The following PPIL3 variants were observed in gnomAD, a reference collection of about 807,000 sequenced individuals.
The protein encoded by PPIL3 is peptidyl-prolyl cis-trans isomerase-like 3.
PPIL3 carries 13 observed loss-of-function variants against 20.9 expected under a neutral mutation model. The ratio of observed to expected loss-of-function variants is 0.62; its 90% confidence interval spans 0.40 to 0.99. PPIL3 has a LOEUF of 0.99. Among genes scored for constraint, PPIL3 ranks in the 50% least tolerant of loss-of-function variants. PPIL3 has a pLI of 0.00. For missense variants in PPIL3, 170 were observed against 195.2 expected (o/e 0.87, Z 0.77); for synonymous variants, 71 against 64.4 (o/e 1.10, Z -0.49).
At position 200,887,575 on chromosome 2, in the gene PPIL3, T is replaced by C. The variant is rs1333294162; in HGVS notation, c.3+38A>G. ...TGACTGAATTTCTAAAAATTACTTATAATGAAAGACATTAGATAAAAATTG... is the reference window on the plus strand; with the variant it reads ...TGACTGAATTTCTAAAAATTACTTACAATGAAAGACATTAGATAAAAATTG... On this transcript the variant is annotated intron_variant, in intron 2 of 6. Coordinates refer to ENST00000392283, the MANE Select transcript of PPIL3 (RefSeq NM_130906.3). 5 of 1,509,772 alleles carry C rather than the reference T, an allele frequency of 3.3e-6. No homozygotes were observed. In the Admixed American group the frequency reaches 5.4e-5, roughly 16 times the overall value. The allele number at this position is 1,509,772 out of a possible 1,614,324, so 93.5% of individuals were successfully genotyped here.
intron 3 of PPIL3, chr2:200,885,068 GAA>G (rs1161456179): frequency 1.2e-4 from 6 of 50,290 alleles, no homozygotes; most frequent in Admixed American, 2.5e-4. Context: ...TCCGTCTTGA[GAA>G]AAAAAAAAAA....
intron 2 of PPIL3, among the ~76,000 whole-genome samples, chr2:200,887,379 CAAAAAAAAAA>C (rs770510276): frequency 2.0e-5 from 1 of 50,792 alleles, no homozygotes; most frequent in South Asian, 7.6e-4. Context: ...GAGTGAAACT[CAAAAAAAAAA>C]AAAAAAAAAA....
At chr2:200,877,895 TG>T (rs1222787768) in intron 5 of PPIL3, among the ~76,000 whole-genome samples, 1 of 152,192 alleles carries the variant, frequency 6.6e-6, no homozygotes, top group Non-Finnish European at 1.5e-5. Context: ...TGATAGTATT[TG>T]TTTACAAGAG....
At chr2:200,883,832 A>C (rs911226639) in intron 3 of PPIL3, among the ~76,000 whole-genome samples, 1 of 152,112 alleles carries the variant, frequency 6.6e-6, no homozygotes, top group South Asian at 2.1e-4. Flanking sequence ...GTGTGATCAG[A>C]GCTCACTACA....
chr2:200,880,129 C>T (rs2039668883), intron 5 of PPIL3, among the ~76,000 whole-genome samples: 1 of 152,008 alleles, frequency 6.6e-6, no homozygotes, highest in African/African-American at 2.4e-5. Flanking sequence ...CACCTGTAGT[C>T]CCAGCTACTC....
chr2:200,874,067 C>A lies in PPIL3; in HGVS notation c.360-2546G>T, dbSNP rs557220062. On this transcript the variant is annotated intron_variant, in intron 6 of 6. Transcript: ENST00000392283. ...AAAAATACAAAAAATTAGCCGGGCGCGGTGGCGGGCGCCTGTAGTCCCAGC... is the reference window on the plus strand; with the variant it reads ...AAAAATACAAAAAATTAGCCGGGCGAGGTGGCGGGCGCCTGTAGTCCCAGC... Among the ~76,000 whole-genome samples the A allele has an allele frequency of 1.6e-4, 24 of 151,328 alleles. No homozygotes were observed. In the East Asian group the frequency reaches 4.4e-3, roughly 28 times the overall value.
upstream of PPIL3, chr2:200,889,175 G>A (rs182230233): frequency 7.6e-6 from 3 of 393,284 alleles, no homozygotes; most frequent in East Asian, 7.2e-5. Flanking sequence ...ATCCCCAACC[G>A]GAAATTTGAC....
chr2:200,885,729 A>C lies in PPIL3; in HGVS notation c.47T>G (p.Val16Gly). The change falls in exon 3 of 7, where the codon GTC becomes GGC. Residue 16 changes from valine to glycine, a missense_variant. Coordinates refer to ENST00000392283, the MANE Select transcript of PPIL3 (RefSeq NM_130906.3). ...TGTTTTGGGTGTCCTCTCACAGAAG[A>C]CTTCAATTTTAATATCACCTACATC... is the stretch of plus-strand genomic sequence containing the variant. Reference protein sequence around the residue: ...HTDVGDIKIEVFCERTPKTCE... With the variant: ...HTDVGDIKIEGFCERTPKTCE... The C allele has an allele frequency of 3.8e-6, 6 of 1,592,842 alleles. No homozygotes were observed. Among genetic ancestry groups the C allele is most frequent in the Non-Finnish European group, 5.2e-6 (6 of 1,162,818 alleles).
chr2:200,880,209 T>C (rs2105772806), intron 5 of PPIL3, among the ~76,000 whole-genome samples: 2 of 152,028 alleles, frequency 1.3e-5, no homozygotes, highest in Admixed American at 1.3e-4. Context: ...AATGCATCAC[T>C]GCACTCCAGC....
intron 3 of PPIL3, 86 bp downstream of exon 3, chr2:200,885,612 G>C: frequency 1.1e-6 from 1 of 878,126 alleles, no homozygotes; most frequent in Non-Finnish European, 1.8e-6. Context: ...AAGTTTTGTT[G>C]TTGTTATTTA....
chr2:200,873,195 C>CTT (rs533187117), intron 6 of PPIL3, among the ~76,000 whole-genome samples: 7 of 140,702 alleles, frequency 5.0e-5, no homozygotes, highest in East Asian at 2.1e-4. Context: ...GTATTTCTTT[C>CTT]TTTTTTTTTT....
At chr2:200,888,812 G>A (rs2040080011) in intron 1 of PPIL3, 144 bp downstream of exon 1, 1 of 415,210 alleles carries the variant, frequency 2.4e-6, no homozygotes, top group African/African-American at 2.0e-5. Flanking sequence ...GCCGTGCAGG[G>A]TCCTTCTTTT....
At chr2:200,876,210 T>C (rs551743067) in intron 6 of PPIL3, among the ~76,000 whole-genome samples, 2 of 151,222 alleles carry the variant, frequency 1.3e-5, no homozygotes, top group Non-Finnish European at 2.9e-5. Context: ...CTCAAGAGGC[T>C]GAGGTGAGAA....
intron 3 of PPIL3, among the ~76,000 whole-genome samples, chr2:200,882,695 G>A (rs2039776701): frequency 6.6e-6 from 1 of 151,954 alleles, no homozygotes. Flanking sequence ...GGATCACGAG[G>A]TCAGAAGATC....
intron 6 of PPIL3, among the ~76,000 whole-genome samples, chr2:200,872,616 C>T (rs1347627959): frequency 1.3e-5 from 2 of 152,040 alleles, no homozygotes; most frequent in African/African-American, 4.8e-5. Flanking sequence ...AGCATAAACT[C>T]AGGTATGGTT....
intron 6 of PPIL3, 89 bp downstream of exon 6, chr2:200,876,828 CTT>C: frequency 1.9e-6 from 2 of 1,041,396 alleles, no homozygotes; most frequent in Non-Finnish European, 3.0e-6. Flanking sequence ...CGGCCTCACT[CTT>C]TTCAATATTA....
intron 5 of PPIL3, 65 bp downstream of exon 5, chr2:200,881,356 T>C (rs2039715303): frequency 2.5e-6 from 3 of 1,191,588 alleles, no homozygotes; most frequent in South Asian, 1.3e-5. Flanking sequence ...CTATGACACA[T>C]GTATCAAAGT....
chr2:200,881,596 T>C (rs2105776303), intron 4 of PPIL3, 108 bp from the exon 5 acceptor site: 1 of 817,408 alleles, frequency 1.2e-6, no homozygotes, highest in South Asian at 1.8e-5. Flanking sequence ...TAAATATAGA[T>C]AAAATTTGAT....
At chr2:200,878,126 C>T (rs1025781542) in intron 5 of PPIL3, among the ~76,000 whole-genome samples, 5 of 152,114 alleles carry the variant, frequency 3.3e-5, no homozygotes, top group African/African-American at 1.2e-4. Flanking sequence ...ATATTAAATA[C>T]ACATGTAATA....
Sources: gnomAD v4.1 joint callset for allele counts (sites outside exome capture counted in the v4.1 genomes callset) on GRCh38, gnomAD v4.1.1 for gene constraint, MANE v1.5 for transcripts, NCBI Gene and HGNC (gene_info 2026-07-23, HGNC 2026-07-21) for gene names.